Variants in KYAT3 observed in about 807,000 individuals in gnomAD.
KYAT3 encodes the protein kynurenine aminotransferase 3.
Under a neutral mutation model 59.0 loss-of-function variants are expected in KYAT3, and 50 were observed. That is an observed-to-expected ratio of 0.85 (90% CI 0.68 to 1.07). KYAT3 has a LOEUF of 1.07. Ranked by LOEUF, KYAT3 falls within the 50% of genes least tolerant of loss-of-function variation. KYAT3 has a pLI of 0.00. For synonymous variants in KYAT3, 148 were observed against 177.0 expected, an observed-to-expected ratio of 0.84 and a Z score of 1.30; for missense variants, 497 against 533.3, an observed-to-expected ratio of 0.93 and a Z score of 0.67.
chr1:88,943,281 A>G, intron 12 of KYAT3, 69 bp downstream of exon 12: 6 of 1,060,420 alleles, frequency 5.7e-6, no homozygotes, highest in Non-Finnish European at 8.6e-6. Flanking sequence ...TTCAAAGCAT[A>G]CCAGCAGATT....
At chr1:88,940,854 G>A (rs148069804) in intron 13 of KYAT3, among the ~76,000 whole-genome samples, 647 of 151,394 alleles carry the variant, frequency 4.3e-3, no homozygotes, top group Non-Finnish European at 7.0e-3. Flanking sequence ...CCAGTGCAGC[G>A]ACTGCTCCTA....
chr1:88,943,234 A>T, intron 12 of KYAT3, 116 bp downstream of exon 12: 1 of 986,340 alleles, frequency 1.0e-6, no homozygotes, highest in Middle Eastern at 3.1e-4. Context: ...AAAAGCCACA[A>T]GTGGAGTATC....
At chr1:88,965,554 G>A (rs550762247) in intron 4 of KYAT3, among the ~76,000 whole-genome samples, 3 of 152,304 alleles carry the variant, frequency 2.0e-5, no homozygotes, top group African/African-American at 7.2e-5. Flanking sequence ...TACTTTCATA[G>A]GAGAAGTGAA....
At chr1:88,943,975 T>C (rs1382749565) in intron 11 of KYAT3, among the ~76,000 whole-genome samples, 1 of 152,190 alleles carries the variant, frequency 6.6e-6, no homozygotes, top group East Asian at 1.9e-4. Context: ...ATACAGGATA[T>C]CTGTTTAGAT....
At chr1:88,944,942 C>T (rs571727160) in intron 11 of KYAT3, among the ~76,000 whole-genome samples, 47 of 152,290 alleles carry the variant, frequency 3.1e-4, no homozygotes, top group African/African-American at 1.1e-3. Context: ...TTCCCCGGTT[C>T]AAGCAATTAT....
chr1:88,989,226 A>C (rs1018808763), intron 1 of KYAT3, among the ~76,000 whole-genome samples: 1 of 152,250 alleles, frequency 6.6e-6, no homozygotes, highest in African/African-American at 2.4e-5. Context: ...TATGGAAACT[A>C]AATAGAGCTT....
chr1:88,964,862 G>A lies in KYAT3; in HGVS notation c.420C>T (p.Asn140=). 1.2e-6 allele frequency: 2 copies of A among 1,602,610 alleles called. No individual in the cohort carries two copies. The highest frequency in any genetic ancestry group is 1.7e-6 in the Non-Finnish European group (2 of 1,176,502). Residue 140 remains asparagine (N), a synonymous_variant, in exon 5 of 14, where the codon AAC becomes AAT. Coordinates refer to ENST00000260508, the MANE Select transcript of KYAT3 (RefSeq NM_001008661.3). ...VTVGAYGSLF[N]TIQALIDEGD... is the part of the protein sequence containing the mutation. ...CCTCATCAATTAATGCTTGAATGGT[G>A]TTAAAAAGAGATCCATATGCTCCTA...
In KYAT3 at chr1:88,936,048, C is replaced by A; in HGVS notation, c.*135G>T. On this transcript the variant is annotated 3_prime_UTR_variant, in exon 14 of 14. Transcript: ENST00000260508. Reference sequence around the variant, plus strand: ...AAAATGTTGTTAGGAGTTGGGTTAACTGCTTTGGAAAAACAATGGAAATAT... The same window carrying A: ...AAAATGTTGTTAGGAGTTGGGTTAAATGCTTTGGAAAAACAATGGAAATAT... 1 of 623,662 alleles carries A rather than the reference C, an allele frequency of 1.6e-6. No individual in the cohort carries two copies. The highest frequency in any genetic ancestry group is 2.7e-6 in the Non-Finnish European group (1 of 369,074). The allele number at this position is 623,662 out of a possible 1,614,324, so 38.6% of individuals were successfully genotyped here.
chr1:88,976,902 TTG>T (rs1557701254), intron 2 of KYAT3, among the ~76,000 whole-genome samples: 1 of 152,218 alleles, frequency 6.6e-6, no homozygotes, highest in African/African-American at 2.4e-5. Flanking sequence ...TTTGTATAGT[TTG>T]TGTGTTAAGT....
In KYAT3 at chr1:88,988,280, G is replaced by C. The variant is rs1230850280; in HGVS notation, c.71C>G (p.Ser24Cys). 1.2e-6 allele frequency: 2 copies of C among 1,613,566 alleles called. No individual in the cohort carries two copies. The highest frequency in any genetic ancestry group is 2.2e-5 in the South Asian group (2 of 91,030). The change falls in exon 2 of 14, where the codon TCC becomes TGC. Residue 24 changes from serine (S) to cysteine (C), a missense_variant. This residue lies in a region of KYAT3 where 469 missense variants were observed against 479.1 expected (regional missense o/e 0.98). Transcript: ENST00000260508. Reference protein sequence around the residue: ...RAKFLKTISSSKILGFSTSAK... With the variant: ...RAKFLKTISSCKILGFSTSAK... ...AGAAGTAGAGAATCCGAGGATTTTG[G>C]AAGAAGAAATTGTCTTCAGGAATTT...
downstream of KYAT3, among the ~76,000 whole-genome samples, chr1:88,934,423 C>T (rs1005189290): frequency 9.2e-5 from 14 of 152,106 alleles, no homozygotes; most frequent in Admixed American, 2.6e-4. Context: ...CACTGCCTCC[C>T]AGCCTTGGCG....
At chr1:88,973,035 A>T (rs1459633130) in intron 2 of KYAT3, among the ~76,000 whole-genome samples, 3 of 152,154 alleles carry the variant, frequency 2.0e-5, no homozygotes, top group Non-Finnish European at 2.9e-5. Flanking sequence ...ATTAGCGTGA[A>T]CCCTAATCCA....
chr1:88,991,919 T>C (rs1677819732), intron 1 of KYAT3, among the ~76,000 whole-genome samples: 2 of 151,878 alleles, frequency 1.3e-5, no homozygotes, highest in Non-Finnish European at 2.9e-5. Flanking sequence ...CTGTTTTAAC[T>C]ACAAATGTTG....
intron 11 of KYAT3, among the ~76,000 whole-genome samples, chr1:88,945,095 C>T (rs965726437): frequency 6.6e-6 from 1 of 152,064 alleles, no homozygotes; most frequent in African/African-American, 2.4e-5. Context: ...ACACCCGCCT[C>T]GGCCTCCCAA....
chr1:88,990,472 T>C (rs1677723881), intron 1 of KYAT3, among the ~76,000 whole-genome samples: 1 of 152,208 alleles, frequency 6.6e-6, no homozygotes, highest in South Asian at 2.1e-4. Context: ...CCAGTGGACA[T>C]TTTGCAATTC....
intron 8 of KYAT3, among the ~76,000 whole-genome samples, chr1:88,957,420 G>C (rs974865072): frequency 6.6e-6 from 1 of 152,080 alleles, no homozygotes; most frequent in East Asian, 1.9e-4. Context: ...TAAAGTAAAG[G>C]ATACATCATA....
At chr1:88,966,037 C>T (rs909711182) in intron 4 of KYAT3, among the ~76,000 whole-genome samples, 2 of 152,056 alleles carry the variant, frequency 1.3e-5, no homozygotes, top group Non-Finnish European at 2.9e-5. Context: ...TAAAACTAGG[C>T]AAAGATGTAT....
the KYAT3 span, among the ~76,000 whole-genome samples, chr1:88,927,288 G>A: frequency 6.6e-6 from 1 of 152,090 alleles, no homozygotes; most frequent in Non-Finnish European, 1.5e-5. Flanking sequence ...CAGATGCTAA[G>A]AAAGAAACTA....
chr1:88,940,179 C>T (rs570845838), intron 13 of KYAT3, among the ~76,000 whole-genome samples: 8 of 152,274 alleles, frequency 5.3e-5, no homozygotes, highest in African/African-American at 1.7e-4. Context: ...AAGTGATTCT[C>T]ATGCCTCAGC....
Sources: gnomAD v4.1 joint callset for allele counts (sites outside exome capture counted in the v4.1 genomes callset) on GRCh38, gnomAD v4.1.1 for gene constraint, gnomAD v4.1.1 regional missense constraint, MANE v1.5 for transcripts, NCBI Gene and HGNC (gene_info 2026-07-23, HGNC 2026-07-21) for gene names.